Variants in SLC2A12 observed in about 807,000 individuals in gnomAD.
SLC2A12 encodes the protein solute carrier family 2 member 12, also known as solute carrier family 2, facilitated glucose transporter member 12.
Under a neutral mutation model 41.8 loss-of-function variants are expected in SLC2A12, and 23 were observed. The observed-to-expected ratio is 0.55, with a 90% CI of 0.40 to 0.78. The LOEUF is 0.78. Among genes scored for constraint, SLC2A12 ranks in the 30% least tolerant of loss-of-function variants. The probability of loss-of-function intolerance (pLI) is 0.00; values close to 1 mark genes in which losing one functional copy is unlikely to be tolerated. For synonymous variants in SLC2A12, 295 were observed against 285.9 expected (o/e 1.03, Z -0.32); for missense variants, 654 against 745.6 (o/e 0.88, Z 1.43).
intron 4 of SLC2A12, among the ~76,000 whole-genome samples, chr6:133,992,677 C>T (rs982475332): frequency 2.0e-5 from 3 of 152,008 alleles, no homozygotes; most frequent in East Asian, 1.9e-4. Context: ...AGGGGAAATG[C>T]GAAGAAGTGG....
At chr6:134,021,277 C>G (rs1243278280) in intron 2 of SLC2A12, among the ~76,000 whole-genome samples, 2 of 152,134 alleles carry the variant, frequency 1.3e-5, no homozygotes, top group Non-Finnish European at 2.9e-5. Flanking sequence ...ATGTCTGCAT[C>G]GTATTTTTAA....
At chr6:134,017,383 T>G (rs1776975958) in intron 2 of SLC2A12, among the ~76,000 whole-genome samples, 1 of 152,152 alleles carries the variant, frequency 6.6e-6, no homozygotes, top group South Asian at 2.1e-4. Context: ...AGCTCCCCCT[T>G]AATTATGGAA....
chr6:134,022,489 C>G (rs886164315), intron 2 of SLC2A12, among the ~76,000 whole-genome samples: 13 of 151,914 alleles, frequency 8.6e-5, no homozygotes, highest in African/African-American at 1.2e-4. Flanking sequence ...CGAGATCACA[C>G]CGTTGCACTC....
intron 3 of SLC2A12, among the ~76,000 whole-genome samples, chr6:134,002,482 T>C (rs566345946): frequency 2.0e-5 from 3 of 152,306 alleles, no homozygotes; most frequent in African/African-American, 7.2e-5. Context: ...AAACATATGA[T>C]GTAGAAGGTA....
At position 134,028,523 on chromosome 6, in the gene SLC2A12, T is replaced by C. The variant is rs1167611359; in HGVS notation, c.1302A>G (p.Ser434=). 6.2e-7 allele frequency: 1 copy of C among 1,614,096 alleles called. No individual in the cohort carries two copies. Among genetic ancestry groups the C allele is most frequent in the Non-Finnish European group, 8.5e-7 (1 of 1,180,042 alleles). ...NDVDKRGETT[S]ASLLNAGLSH... ...TTAATCCAGCATTTAGCAAGGATGC[T>C]GAGGTCGTCTCCCCTCTCTTATCCA... Residue 434 remains serine (S), a synonymous_variant, in exon 2 of 5, where the codon TCA becomes TCG. Transcript: ENST00000275230.
At chr6:134,000,245 T>TG (rs1674816174) in intron 4 of SLC2A12, among the ~76,000 whole-genome samples, 1 of 152,200 alleles carries the variant, frequency 6.6e-6, no homozygotes, top group African/African-American at 2.4e-5. Context: ...AAGCTTAAAC[T>TG]GGGAGAATTT....
intron 2 of SLC2A12, among the ~76,000 whole-genome samples, chr6:134,022,797 G>A (rs1167723736): frequency 6.6e-6 from 1 of 152,204 alleles, no homozygotes; most frequent in East Asian, 1.9e-4. Context: ...AATGGAGTCA[G>A]GAGGGCAAGA....
chr6:134,022,505 T>C (rs1264946459), intron 2 of SLC2A12, among the ~76,000 whole-genome samples: 5 of 149,886 alleles, frequency 3.3e-5, no homozygotes, highest in African/African-American at 1.2e-4. Context: ...CACTCCAGCC[T>C]AGGTGACAAG....
chr6:134,015,916 C>T (rs936474388), intron 2 of SLC2A12, among the ~76,000 whole-genome samples: 2 of 152,136 alleles, frequency 1.3e-5, no homozygotes, highest in South Asian at 4.2e-4. Flanking sequence ...AACATTGATA[C>T]CCACCCTCCA....
At chr6:134,003,748 A>G (rs913067995) in intron 3 of SLC2A12, among the ~76,000 whole-genome samples, 2 of 152,104 alleles carry the variant, frequency 1.3e-5, no homozygotes, top group African/African-American at 4.8e-5. Flanking sequence ...ACACACTGCA[A>G]TTTTTAAATG....
intron 1 of SLC2A12, among the ~76,000 whole-genome samples, chr6:134,042,945 C>T (rs534775436): frequency 8.6e-5 from 13 of 151,074 alleles, no homozygotes; most frequent in East Asian, 3.9e-4. Context: ...CCAGCCTGGG[C>T]GACAGAGTAA....
At chr6:134,008,995 T>C (rs113559540) in intron 2 of SLC2A12, 1 of 152,270 alleles carries the variant, frequency 6.6e-6, no homozygotes, top group Non-Finnish European at 1.5e-5. Flanking sequence ...TCATCTTTCA[T>C]CATGGTGGCC....
chr6:134,028,435 A>T lies in SLC2A12; in HGVS notation c.1390T>A (p.Ser464Thr). Residue 464 changes from serine to threonine, a missense_variant, in exon 2 of 5, where the codon TCC (serine) becomes ACC (threonine). Physicochemically the swap from Ser to Thr is moderately conservative, Grantham distance 58. Around this residue, in one of 3 missense-constraint regions of SLC2A12, gnomAD observed 411 missense variants for 412.1 expected, o/e 1.00. Coordinates refer to ENST00000275230, the MANE Select transcript of SLC2A12 (RefSeq NM_145176.3). ...GDVPAFLKWL[S>T]LASLLVYVAA... ...ACATAAACAAGCAAGCTGGCTAAGG[A>T]CAGCCATTTCAAAAAAGCTGGGACG... 3 of 1,614,176 alleles carry T rather than the reference A, an allele frequency of 1.9e-6. No homozygotes were observed. The highest frequency in any genetic ancestry group is 1.7e-5 in the Admixed American group (1 of 60,022).
Position 134,029,597 on chromosome 6 carries a change from G to A in SLC2A12, c.228C>T (p.Cys76=), listed in dbSNP as rs1330905123. Residue 76 remains cysteine (C), a synonymous_variant, in exon 2 of 5, where the codon TGC becomes TGT. Coordinates refer to ENST00000275230, the MANE Select transcript of SLC2A12 (RefSeq NM_145176.3). ...LQIKTLLALS[C]HEQEMVVSSL... ...AGCTCACAACCATTTCCTGCTCATG[G>A]CAGCTCAGGGCTAATAAGGTTTTGA... 1 of 1,614,044 alleles carries A rather than the reference G, an allele frequency of 6.2e-7. No homozygotes were observed.
intron 1 of SLC2A12, among the ~76,000 whole-genome samples, chr6:134,044,051 G>A (rs1777421939): frequency 6.6e-6 from 1 of 152,130 alleles, no homozygotes; most frequent in African/African-American, 2.4e-5. Flanking sequence ...ACATGTTCAA[G>A]CTATTTTCCC....
chr6:134,033,138 G>C (rs1235783901), intron 1 of SLC2A12, among the ~76,000 whole-genome samples: 1 of 151,868 alleles, frequency 6.6e-6, no homozygotes, highest in Non-Finnish European at 1.5e-5. Context: ...AGTGAATTTG[G>C]GTAAGTACAG....
intron 2 of SLC2A12, among the ~76,000 whole-genome samples, chr6:134,019,973 C>T (rs1421125083): frequency 1.4e-5 from 2 of 147,072 alleles, no homozygotes; most frequent in Admixed American, 7.0e-5. Context: ...TGCAGTGAGC[C>T]GAGATCGAGC....
rs188790340 is a variant in SLC2A12, at chr6:134,037,224, G to A, written c.104-7503C>T. Reference sequence around the variant, plus strand: ...GGCTGGAGTGCAGTGGCGCGATTTCGGCTCACTGCAACCTCTGCCTCCCAG... The same window carrying A: ...GGCTGGAGTGCAGTGGCGCGATTTCAGCTCACTGCAACCTCTGCCTCCCAG... On this transcript the variant is annotated intron_variant, in intron 1 of 4. Transcript: ENST00000275230. 1.1e-3 allele frequency among the ~76,000 whole-genome samples: 154 copies of A among 144,404 alleles called. 1 individual carries two copies. Among genetic ancestry groups the A allele is most frequent in the African/African-American group, 3.7e-3 (143 of 38,662 alleles). The allele number at this position is 144,404 out of a possible 152,430, so 94.7% of individuals were successfully genotyped here.
intron 4 of SLC2A12, among the ~76,000 whole-genome samples, chr6:133,993,241 C>G (rs1267551932): frequency 6.6e-6 from 1 of 152,200 alleles, no homozygotes; most frequent in Non-Finnish European, 1.5e-5. Flanking sequence ...GATGGCCACC[C>G]ACATTTGACT....
Sources: gnomAD v4.1 joint callset for allele counts (sites outside exome capture counted in the v4.1 genomes callset) on GRCh38, gnomAD v4.1.1 for gene constraint, gnomAD v4.1.1 regional missense constraint, MANE v1.5 for transcripts, NCBI Gene and HGNC (gene_info 2026-07-23, HGNC 2026-07-21) for gene names.